Variants in LHFPL3 observed in about 807,000 individuals in gnomAD.
LHFPL3 encodes the protein LHFPL tetraspan subfamily member 3.
A neutral mutation model predicts 19.3 loss-of-function variants in LHFPL3; 5 were observed. That is an observed-to-expected ratio of 0.26 (90% CI 0.14 to 0.54). The LOEUF (loss-of-function observed/expected upper bound fraction) is 0.54, where lower values mean the gene tolerates loss of function less well. LHFPL3 is among the 20% of genes least tolerant of loss of function. The pLI is 0.94. For missense variants in LHFPL3, 249 were observed against 307.4 expected, an observed-to-expected ratio of 0.81 and a Z score of 1.42; for synonymous variants, 133 against 126.2, an observed-to-expected ratio of 1.05 and a Z score of -0.36.
intron 1 of LHFPL3, among the ~76,000 whole-genome samples, chr7:104,540,866 A>G (rs1794472712): frequency 6.6e-6 from 1 of 152,132 alleles, no homozygotes; most frequent in Admixed American, 6.6e-5. Context: ...ACTTCTGTCC[A>G]TCCCCACTTC....
intron 1 of LHFPL3, among the ~76,000 whole-genome samples, chr7:104,353,906 CA>C (rs1790224291): frequency 6.6e-6 from 1 of 152,172 alleles, no homozygotes; most frequent in South Asian, 2.1e-4. Flanking sequence ...AAGCAAGGTT[CA>C]ATTCCATGTC....
intron 2 of LHFPL3, among the ~76,000 whole-genome samples, chr7:104,865,439 A>G (rs1478831844): frequency 2.0e-5 from 3 of 152,248 alleles, no homozygotes; most frequent in Non-Finnish European, 4.4e-5. Flanking sequence ...CACAAGCCTC[A>G]GTAGCCGATT....
At chr7:104,684,406 C>T (rs1222108591) in intron 1 of LHFPL3, among the ~76,000 whole-genome samples, 1 of 152,226 alleles carries the variant, frequency 6.6e-6, no homozygotes, top group African/African-American at 2.4e-5. Context: ...ACTGTTGCAA[C>T]TGCTCAATTC....
chr7:104,389,916 A>G (rs1415039833), intron 1 of LHFPL3, among the ~76,000 whole-genome samples: 1 of 152,140 alleles, frequency 6.6e-6, no homozygotes, highest in East Asian at 1.9e-4. Context: ...TAAAACTGCC[A>G]GAAAAAATGT....
At chr7:104,428,037 A>G (rs182333299) in intron 1 of LHFPL3, among the ~76,000 whole-genome samples, 235 of 152,356 alleles carry the variant, frequency 1.5e-3, no homozygotes, top group African/African-American at 5.3e-3. Context: ...ATAATACCTC[A>G]GCATCACAGT....
At chr7:104,574,664 C>T (rs561476561) in intron 1 of LHFPL3, among the ~76,000 whole-genome samples, 1 of 152,114 alleles carries the variant, frequency 6.6e-6, no homozygotes, top group Non-Finnish European at 1.5e-5. Flanking sequence ...CTATATTATA[C>T]ATTTTTGATA....
chr7:104,849,868 C>A (rs190548961), intron 2 of LHFPL3, among the ~76,000 whole-genome samples: 4 of 152,254 alleles, frequency 2.6e-5, no homozygotes, highest in African/African-American at 9.6e-5. Flanking sequence ...TCCTTTATGG[C>A]CAGTTTTTAT....
chr7:104,782,340 G>A (rs1057397707), intron 2 of LHFPL3, among the ~76,000 whole-genome samples: 3 of 152,186 alleles, frequency 2.0e-5, no homozygotes, highest in East Asian at 1.9e-4. Context: ...GGCTGAACCT[G>A]CAATCTGACA....
chr7:104,714,405 G>A (rs1480741927), intron 1 of LHFPL3, among the ~76,000 whole-genome samples: 1 of 151,654 alleles, frequency 6.6e-6, no homozygotes, highest in Non-Finnish European at 1.5e-5. Flanking sequence ...TTGCTTCAAA[G>A]AGTAGCAAAA....
intron 2 of LHFPL3, among the ~76,000 whole-genome samples, chr7:104,778,108 G>A (rs535013329): frequency 3.9e-5 from 6 of 152,284 alleles, no homozygotes; most frequent in Non-Finnish European, 5.9e-5. Flanking sequence ...TAAAAGGGTG[G>A]ACCTATAGGT....
chr7:104,679,094 C>G lies in LHFPL3; in HGVS notation c.446-57581C>G, dbSNP rs145965178. Among the ~76,000 whole-genome samples, 1,039 of 152,338 alleles carry G rather than the reference C, an allele frequency of 6.8e-3. 5 individuals are homozygous for G. The highest frequency in any genetic ancestry group is 0.01 in the Non-Finnish European group (688 of 68,016). ...GGTGAGGAATGCTGGAGCAACTTAGCTGGTAGTTCTAGCTCAAGGTCTCTC... is the reference window on the plus strand; with the variant it reads ...GGTGAGGAATGCTGGAGCAACTTAGGTGGTAGTTCTAGCTCAAGGTCTCTC... On this transcript the variant is annotated intron_variant, in intron 1 of 2. Coordinates refer to ENST00000424859, the MANE Select transcript of LHFPL3 (RefSeq NM_199000.3).
chr7:104,582,060 C>G (rs955955114), intron 1 of LHFPL3, among the ~76,000 whole-genome samples: 1 of 151,920 alleles, frequency 6.6e-6, no homozygotes, highest in Non-Finnish European at 1.5e-5. Context: ...TGACTGATAA[C>G]TATACTAAAT....
rs567738460 is a variant in LHFPL3, at chr7:104,375,058, G to A, written c.445+45834G>A. On this transcript the variant is annotated intron_variant, in intron 1 of 2. Transcript: ENST00000424859. Reference sequence around the variant, plus strand: ...TTTATCTGTAGAAATAATAATACAGGCCAGGCACGGTGGCTTACCCCTGTA... The same window carrying A: ...TTTATCTGTAGAAATAATAATACAGACCAGGCACGGTGGCTTACCCCTGTA... Among the ~76,000 whole-genome samples, 15 of 152,278 alleles carry A rather than the reference G, an allele frequency of 9.9e-5. No individual in the cohort carries two copies. The South Asian group carries it at 3.1e-3, about 32-fold the overall frequency.
intron 1 of LHFPL3, among the ~76,000 whole-genome samples, chr7:104,628,865 C>G (rs1189085575): frequency 6.6e-6 from 1 of 152,052 alleles, no homozygotes; most frequent in Non-Finnish European, 1.5e-5. Context: ...TTTTGGAGGC[C>G]ACATTGTAAA....
chr7:104,736,863 A>G lies in LHFPL3; in HGVS notation c.634A>G (p.Asn212Asp). 1 of 1,611,828 alleles carries G rather than the reference A, an allele frequency of 6.2e-7. No individual in the cohort carries two copies. The highest frequency in any genetic ancestry group is 8.5e-7 in the Non-Finnish European group (1 of 1,179,034). ...CTCATTTCTAGCATTTGTGCTTGGTAATCGACAAGACAGCTTGATGGCAGA... is the reference window on the plus strand; with the variant it reads ...CTCATTTCTAGCATTTGTGCTTGGTGATCGACAAGACAGCTTGATGGCAGA... Reference protein sequence around the residue: ...ILSFLAFVLGNRQDSLMAEEL... With the variant: ...ILSFLAFVLGDRQDSLMAEEL... Residue 212 changes from asparagine (N) to aspartate (D), a missense_variant, in exon 2 of 3, where the codon AAT (asparagine) becomes GAT (aspartate). Asn to Asp is a conservative substitution (Grantham distance 23). Coordinates refer to ENST00000424859, the MANE Select transcript of LHFPL3 (RefSeq NM_199000.3).
At chr7:104,723,006 G>A (rs985612931) in intron 1 of LHFPL3, among the ~76,000 whole-genome samples, 41 of 152,108 alleles carry the variant, frequency 2.7e-4, no homozygotes, top group African/African-American at 8.7e-4. Context: ...GCAGGCCCAC[G>A]TAACCCAAGT....
At chr7:104,883,925 C>T (rs1297690732) in intron 2 of LHFPL3, among the ~76,000 whole-genome samples, 2 of 152,106 alleles carry the variant, frequency 1.3e-5, no homozygotes, top group East Asian at 1.9e-4. Context: ...GAGCACACTT[C>T]CCTTTGAGCC....
Position 104,874,406 on chromosome 7 carries a change from T to TGG in LHFPL3, c.683-31773_683-31772dup, listed in dbSNP as rs35863156. On this transcript the variant is annotated intron_variant, in intron 2 of 2. Coordinates refer to ENST00000424859, the MANE Select transcript of LHFPL3 (RefSeq NM_199000.3). ...AAAGGAATGCTTTTTTTTTTTTTTT[T>TGG]GGGGGGGGGACAGAGTCTCGTTCTG... Among the ~76,000 whole-genome samples the TGG allele has an allele frequency of 1.3e-3, 167 of 131,720 alleles. 1 individual carries two copies. Among genetic ancestry groups the TGG allele is most frequent in the East Asian group, 7.7e-3 (32 of 4,130 alleles). 86.4% of individuals were successfully genotyped at this position (131,720 alleles called of 152,430 possible).
intron 1 of LHFPL3, among the ~76,000 whole-genome samples, chr7:104,603,553 T>C (rs1041774665): frequency 6.6e-6 from 1 of 152,168 alleles, no homozygotes; most frequent in Non-Finnish European, 1.5e-5. Context: ...AAGTCCAAAG[T>C]CTCATCTAAA....
Sources: allele counts gnomAD v4.1 joint callset (sites outside exome capture counted in the v4.1 genomes callset), GRCh38; gene constraint gnomAD v4.1.1; transcripts MANE v1.5; gene names NCBI Gene and HGNC (gene_info 2026-07-23, HGNC 2026-07-21).